Variants in MCTP1 observed in about 807,000 individuals in gnomAD.
MCTP1 encodes the protein multiple C2 and transmembrane domain-containing protein 1.
Under a neutral mutation model 120.6 loss-of-function variants are expected in MCTP1, and 69 were observed. The ratio of observed to expected loss-of-function variants is 0.57; its 90% confidence interval spans 0.47 to 0.70. The LOEUF (loss-of-function observed/expected upper bound fraction) is 0.70. Ranked by LOEUF, MCTP1 falls within the 30% of genes least tolerant of loss-of-function variation. The pLI, the probability that MCTP1 is intolerant of heterozygous loss-of-function variation, is 0.00. For missense variants in MCTP1, 1,203 were observed against 1,248.8 expected, an observed-to-expected ratio of 0.96 and a Z score of 0.55; for synonymous variants, 529 against 493.1, an observed-to-expected ratio of 1.07 and a Z score of -0.96.
chr5:94,766,875 C>G (rs531765452), intron 19 of MCTP1, among the ~76,000 whole-genome samples: 41 of 152,256 alleles, frequency 2.7e-4, no homozygotes, highest in African/African-American at 9.6e-4. Flanking sequence ...ACTAACAATT[C>G]TTTTCAAACT....
intron 17 of MCTP1, chr5:94,825,921 C>A: frequency 5.4e-6 from 1 of 183,592 alleles, no homozygotes; most frequent in Non-Finnish European, 1.2e-5. Flanking sequence ...TGTTTATTAA[C>A]TGACCAGCTT....
At chr5:94,854,274 C>T (rs1398762472) in intron 17 of MCTP1, among the ~76,000 whole-genome samples, 1 of 151,784 alleles carries the variant, frequency 6.6e-6, no homozygotes, top group Admixed American at 6.6e-5. Flanking sequence ...GGATCAACCT[C>T]TAACAGCTTG....
At chr5:95,177,794 C>G (rs1748179644) in intron 1 of MCTP1, among the ~76,000 whole-genome samples, 1 of 152,132 alleles carries the variant, frequency 6.6e-6, no homozygotes, top group African/African-American at 2.4e-5. Context: ...ATTTAAAACC[C>G]AAGCTGGTTG....
chr5:95,067,520 T>G (rs963110017), intron 1 of MCTP1, among the ~76,000 whole-genome samples: 2 of 152,100 alleles, frequency 1.3e-5, no homozygotes, highest in African/African-American at 4.8e-5. Context: ...GATTTACAAC[T>G]AATATATTAA....
At chr5:95,233,051 A>C (rs975503749) in intron 1 of MCTP1, among the ~76,000 whole-genome samples, 5 of 152,236 alleles carry the variant, frequency 3.3e-5, no homozygotes, top group African/African-American at 4.8e-5. Context: ...TAATTGGTAG[A>C]ATAAATAGAC....
At chr5:95,143,701 C>T (rs561486040) in intron 1 of MCTP1, among the ~76,000 whole-genome samples, 1 of 152,280 alleles carries the variant, frequency 6.6e-6, no homozygotes, top group South Asian at 2.1e-4. Context: ...ATAATGGCCT[C>T]CAGCTGCATC....
At chr5:94,740,726 G>C (rs1765336331) in intron 19 of MCTP1, among the ~76,000 whole-genome samples, 1 of 152,170 alleles carries the variant, frequency 6.6e-6, no homozygotes, top group African/African-American at 2.4e-5. Context: ...TGCCAACTGT[G>C]TGCAGAGTAT....
intron 17 of MCTP1, among the ~76,000 whole-genome samples, chr5:94,821,140 G>C (rs899123880): frequency 6.6e-6 from 1 of 152,148 alleles, no homozygotes; most frequent in Admixed American, 6.6e-5. Context: ...CTGCATTTTG[G>C]TGTTGCAGCA....
chr5:95,062,117 T>C (rs1256721601), intron 1 of MCTP1, among the ~76,000 whole-genome samples: 1 of 152,230 alleles, frequency 6.6e-6, no homozygotes, highest in Non-Finnish European at 1.5e-5. Context: ...AATTCAAGAA[T>C]TATTTCCATT....
chr5:94,945,234 A>G (rs1237106181), intron 3 of MCTP1, among the ~76,000 whole-genome samples: 1 of 152,176 alleles, frequency 6.6e-6, no homozygotes, highest in African/African-American at 2.4e-5. Flanking sequence ...ACATTAGGTA[A>G]CAGGTAGAAG....
intron 6 of MCTP1, chr5:94,929,569 CATTTTCATAAAACAGTAACAT>C: frequency 1.4e-6 from 1 of 726,290 alleles, no homozygotes; most frequent in African/African-American, 1.9e-5. Context: ...GAAAATGATG[CATTTTCATAAAACAGTAACAT>C]AGTAAAATCT....
rs573556731 is a variant in MCTP1 at position 95,151,929 on chromosome 5, C to T, written c.720+131927G>A. 1.6e-3 allele frequency among the ~76,000 whole-genome samples: 248 copies of T among 152,352 alleles called. 1 individual carries two copies. The highest frequency in any genetic ancestry group is 5.8e-3 in the African/African-American group (240 of 41,592). On this transcript the variant is annotated intron_variant, in intron 1 of 22. Transcript: ENST00000515393. The stretch of plus-strand genomic sequence containing the variant: ...CTAGCAACATCTGTATGGCTCTCCC[C>T]TTAACACTCAGAAATTGTAAATGGC...
chr5:95,088,904 G>A (rs1044657590), intron 1 of MCTP1, among the ~76,000 whole-genome samples: 4 of 152,272 alleles, frequency 2.6e-5, no homozygotes, highest in African/African-American at 9.6e-5. Context: ...TCCAGAGTAC[G>A]CATTATCAGT....
chr5:94,716,393 TA>T lies in MCTP1; in HGVS notation c.2611-1508del, dbSNP rs75209507. On this transcript the variant is annotated intron_variant, in intron 19 of 22. Coordinates refer to ENST00000515393, the MANE Select transcript of MCTP1 (RefSeq NM_024717.7). ...TCAATTTATCTTTCACACTCTCCAG[TA>T]AAAAAAAAAAAAAAGTTAGTTTCAC... is the stretch of plus-strand genomic sequence containing the variant. 6.7e-3 allele frequency among the ~76,000 whole-genome samples: 900 copies of T among 135,020 alleles called. 2 individuals carry two copies. Among genetic ancestry groups the T allele is most frequent in the Non-Finnish European group, 5.6e-3 (346 of 61,978 alleles). 88.6% of individuals were successfully genotyped at this position (135,020 alleles called of 152,430 possible). A position where few individuals can be genotyped will look rare whatever the true frequency, so the allele number is the denominator to read the frequency against.
intron 1 of MCTP1, among the ~76,000 whole-genome samples, chr5:95,021,059 C>G (rs1156505667): frequency 6.6e-6 from 1 of 152,028 alleles, no homozygotes; most frequent in Non-Finnish European, 1.5e-5. Context: ...GCCAAAATAG[C>G]TTGCTGGTTT....
chr5:94,920,136 C>T (rs57595466), intron 7 of MCTP1, among the ~76,000 whole-genome samples: 1,574 of 152,244 alleles, frequency 0.01, 24 homozygotes, highest in African/African-American at 0.036. Flanking sequence ...GCTTTTACTA[C>T]GTTTGTTCGA....
chr5:95,057,941 C>A (rs903844815), intron 1 of MCTP1, among the ~76,000 whole-genome samples: 2 of 152,176 alleles, frequency 1.3e-5, no homozygotes, highest in South Asian at 2.1e-4. Context: ...ATTCCAACAA[C>A]TGAAGCCTTA....
chr5:94,923,849 C>A lies in MCTP1; in HGVS notation c.1272+113G>T, dbSNP rs575680293. The A allele has an allele frequency of 8.1e-6, 5 of 618,134 alleles. No individual in the cohort carries two copies. The East Asian group carries it at 1.3e-4, about 16-fold the overall frequency. 38.3% of individuals were successfully genotyped at this position (618,134 alleles called of 1,614,324 possible). The stretch of plus-strand genomic sequence containing the variant: ...GATAATAAAGAAGGCAAATGAATAC[C>A]TCTATCTGGAAGCCTATCTTAAAAA... On this transcript the variant is annotated intron_variant, in intron 7 of 22. Transcript: ENST00000515393.
At chr5:94,788,682 C>G (rs1300917179) in intron 18 of MCTP1, 1 of 152,344 alleles carries the variant, frequency 6.6e-6, no homozygotes, top group Non-Finnish European at 1.5e-5. Flanking sequence ...TTCTCCCTCC[C>G]TCCCTCCCCA....
Sources: gnomAD v4.1 joint callset for allele counts (sites outside exome capture counted in the v4.1 genomes callset) on GRCh38, gnomAD v4.1.1 for gene constraint, MANE v1.5 for transcripts, NCBI Gene and HGNC (gene_info 2026-07-23, HGNC 2026-07-21) for gene names.